Variants in WSCD2 observed in about 807,000 individuals in gnomAD.
WSCD2 encodes the protein WSC domain sialate O sulfotransferase 2.
A neutral mutation model predicts 55.7 loss-of-function variants in WSCD2; 28 were observed. That is an observed-to-expected ratio of 0.50 (90% CI 0.37 to 0.69). The LOEUF (loss-of-function observed/expected upper bound fraction) is 0.69, where lower values mean the gene tolerates loss of function less well. Among genes scored for constraint, WSCD2 ranks in the 30% least tolerant of loss-of-function variants. The pLI, the probability that WSCD2 is intolerant of heterozygous loss-of-function variation, is 0.00. For synonymous variants in WSCD2, 301 were observed against 301.9 expected, an observed-to-expected ratio of 1.00 and a Z score of 0.03; for missense variants, 616 against 762.1, an observed-to-expected ratio of 0.81 and a Z score of 2.26.
At chr12:108,139,847 T>C (rs530424925) in intron 1 of WSCD2, among the ~76,000 whole-genome samples, 4 of 152,318 alleles carry the variant, frequency 2.6e-5, no homozygotes, top group African/African-American at 9.6e-5. Flanking sequence ...TCACACTGGC[T>C]GAAGCCAGTG....
intron 4 of WSCD2, among the ~76,000 whole-genome samples, chr12:108,214,698 C>G (rs1485453103): frequency 6.6e-6 from 1 of 152,202 alleles, no homozygotes; most frequent in Non-Finnish European, 1.5e-5. Context: ...TGGTGCTGAC[C>G]ACTGCACTGC....
At chr12:108,164,759 A>G (rs1266709213) in intron 1 of WSCD2, among the ~76,000 whole-genome samples, 1 of 152,058 alleles carries the variant, frequency 6.6e-6, no homozygotes, top group African/African-American at 2.4e-5. Context: ...TTTCTCTCCA[A>G]CAGATCTACC....
At chr12:108,200,919 C>A (rs1565958704) in intron 2 of WSCD2, among the ~76,000 whole-genome samples, 1 of 152,182 alleles carries the variant, frequency 6.6e-6, no homozygotes, top group Non-Finnish European at 1.5e-5. Flanking sequence ...ACCCAGGCAG[C>A]ACTGGGTGGT....
At chr12:108,137,125 A>G (rs1876310653) in intron 1 of WSCD2, among the ~76,000 whole-genome samples, 1 of 152,204 alleles carries the variant, frequency 6.6e-6, no homozygotes, top group African/African-American at 2.4e-5. Context: ...TGCCTCTAGA[A>G]TATCTGTTTA....
At chr12:108,232,937 G>A (rs572937075) in intron 7 of WSCD2, 42 bp downstream of exon 7, 2 of 1,595,420 alleles carry the variant, frequency 1.3e-6, no homozygotes, top group African/African-American at 1.3e-5. Flanking sequence ...GGTTCCCTGG[G>A]CTTGGGAAGG....
At chr12:108,149,911 G>A (rs1239846976) in intron 1 of WSCD2, 3 of 152,194 alleles carry the variant, frequency 2.0e-5, no homozygotes, top group Non-Finnish European at 4.4e-5. Context: ...TAAGAGGTAA[G>A]AACTATTATT....
chr12:108,178,802 G>C (rs1191012378), intron 1 of WSCD2, among the ~76,000 whole-genome samples: 4 of 152,122 alleles, frequency 2.6e-5, no homozygotes, highest in Non-Finnish European at 5.9e-5. Flanking sequence ...CCACACTCTG[G>C]GGTACTGGCA....
intron 1 of WSCD2, among the ~76,000 whole-genome samples, chr12:108,180,512 T>C (rs1592948586): frequency 6.6e-6 from 1 of 152,354 alleles, no homozygotes; most frequent in South Asian, 2.1e-4. Flanking sequence ...GTTTGTTGAA[T>C]GAATGGATGA....
In WSCD2 at chr12:108,163,556, C is replaced by A. The variant is rs146017034; in HGVS notation, c.-551-31726C>A. On this transcript the variant is annotated intron_variant, in intron 1 of 8. Coordinates refer to ENST00000547525, the MANE Select transcript of WSCD2 (RefSeq NM_014653.4). ...TGGCAGACGTAAATGAGTTAAGAATCTTGAGATGGGATATTATCCTGGATT... is the reference window on the plus strand; with the variant it reads ...TGGCAGACGTAAATGAGTTAAGAATATTGAGATGGGATATTATCCTGGATT... 6.9e-3 allele frequency among the ~76,000 whole-genome samples: 1,046 copies of A among 152,212 alleles called. 28 individuals are homozygous for A. Among genetic ancestry groups the A allele is most frequent in the Admixed American group, 0.042 (642 of 15,296 alleles).
chr12:108,156,923 C>T lies in WSCD2; in HGVS notation c.-552+26997C>T, dbSNP rs553449270. Among the ~76,000 whole-genome samples, 16 of 152,308 alleles carry T rather than the reference C, an allele frequency of 1.1e-4. 1 individual carries two copies. The highest frequency in any genetic ancestry group is 3.9e-4 in the Admixed American group (6 of 15,302). On this transcript the variant is annotated intron_variant, in intron 1 of 8. Coordinates refer to ENST00000547525, the MANE Select transcript of WSCD2 (RefSeq NM_014653.4). ...GCCCACATTGGTATTTCTGGCACTA[C>T]GTGTCTAGACGCTTTCCTCAGGCAC...
intron 1 of WSCD2, among the ~76,000 whole-genome samples, chr12:108,155,738 A>G (rs1029474600): frequency 1.3e-5 from 2 of 152,242 alleles, no homozygotes; most frequent in Admixed American, 6.5e-5. Flanking sequence ...TGAGATTTAA[A>G]TGAGATAATC....
chr12:108,176,906 C>T (rs1364303208), intron 1 of WSCD2, among the ~76,000 whole-genome samples: 1 of 152,056 alleles, frequency 6.6e-6, no homozygotes, highest in Non-Finnish European at 1.5e-5. Flanking sequence ...CACGTGAAAG[C>T]GATTAGAAGT....
intron 1 of WSCD2, among the ~76,000 whole-genome samples, chr12:108,194,362 C>T (rs1029914861): frequency 3.2e-4 from 48 of 152,264 alleles, no homozygotes; most frequent in African/African-American, 8.7e-4. Context: ...GATGGGCTAC[C>T]GTCTGGGGGG....
intron 1 of WSCD2, among the ~76,000 whole-genome samples, chr12:108,191,176 C>T (rs945350066): frequency 6.6e-6 from 1 of 152,258 alleles, no homozygotes; most frequent in Non-Finnish European, 1.5e-5. Flanking sequence ...AGAAACATCA[C>T]ACCTGCCTTG....
chr12:108,168,932 C>CA (rs1377609119), intron 1 of WSCD2, among the ~76,000 whole-genome samples: 1 of 152,198 alleles, frequency 6.6e-6, no homozygotes, highest in Non-Finnish European at 1.5e-5. Flanking sequence ...GGCCACACAG[C>CA]AGGAGGTAAG....
intron 2 of WSCD2, among the ~76,000 whole-genome samples, chr12:108,199,048 G>A (rs986459457): frequency 1.3e-5 from 2 of 152,206 alleles, no homozygotes; most frequent in African/African-American, 4.8e-5. Context: ...AGTGCAGAGA[G>A]AAGGAAGAGA....
In WSCD2 at chr12:108,227,070, G is replaced by A. The variant is rs1302624908; in HGVS notation, c.885G>A (p.Glu295=). The A allele has an allele frequency of 1.9e-6, 3 of 1,614,238 alleles. No individual in the cohort carries two copies. Among genetic ancestry groups the A allele is most frequent in the East Asian group, 2.2e-5 (1 of 44,882 alleles). The change falls in exon 6 of 9, where the codon GAG becomes GAA. Residue 295 remains glutamate (E), a synonymous_variant. Transcript: ENST00000547525. ...PTTRFPLHDR[E]DEQLCAQKCS... ...CCCGATTCCCGCTCCATGACAGAGAGGATGAGCAGCTCTGTGCCCAGAAGT... is the reference window on the plus strand; with the variant it reads ...CCCGATTCCCGCTCCATGACAGAGAAGATGAGCAGCTCTGTGCCCAGAAGT...
chr12:108,248,092 C>G lies in WSCD2; in HGVS notation c.1447C>G (p.Leu483Val), dbSNP rs758496599. ...KKVLVVHFED[L>V]KQDLFVQLGR... ...GGTGCTGGTGGTGCACTTTGAGGAC[C>G]TGAAGCAGGACCTCTTTGTCCAGCT... is the stretch of plus-strand genomic sequence containing the variant. Residue 483 changes from leucine to valine, a missense_variant, in exon 9 of 9, where the codon CTG becomes GTG. Transcript: ENST00000547525. This position sits in a 1 kb window ranked among gnomAD's most constrained non-coding sequence, Gnocchi z 4.3. 3.7e-6 allele frequency: 6 copies of G among 1,614,194 alleles called. No homozygotes were observed. In the South Asian group the frequency reaches 6.6e-5, roughly 18 times the overall value.
intron 4 of WSCD2, among the ~76,000 whole-genome samples, chr12:108,218,190 A>G (rs746719925): frequency 9.9e-5 from 15 of 152,248 alleles, no homozygotes; most frequent in East Asian, 1.9e-4. Context: ...AGACTCTGAA[A>G]TGAGAGGAAA....
Sources: gnomAD v4.1 joint callset for allele counts (sites outside exome capture counted in the v4.1 genomes callset) on GRCh38, gnomAD v4.1.1 for gene constraint, Gnocchi (gnomAD v3.1) non-coding constraint, MANE v1.5 for transcripts, NCBI Gene and HGNC (gene_info 2026-07-23, HGNC 2026-07-21) for gene names.